Variants in LDLRAD3 observed in about 807,000 individuals in gnomAD.
LDLRAD3 encodes the protein low-density lipoprotein receptor class A domain-containing protein 3.
LDLRAD3 carries 20 observed loss-of-function variants against 29.4 expected under a neutral mutation model. That is an observed-to-expected ratio of 0.68 (90% CI 0.48 to 0.99). LDLRAD3 has a LOEUF of 0.99. Among genes scored for constraint, LDLRAD3 ranks in the 50% least tolerant of loss-of-function variants. The pLI, the probability that LDLRAD3 is intolerant of heterozygous loss-of-function variation, is 0.00. For missense variants in LDLRAD3, 420 were observed against 454.3 expected, an observed-to-expected ratio of 0.92 and a Z score of 0.69; for synonymous variants, 157 against 192.7, an observed-to-expected ratio of 0.81 and a Z score of 1.53.
chr11:36,012,636 A>G (rs1196145958), intron 1 of LDLRAD3, among the ~76,000 whole-genome samples: 2 of 152,214 alleles, frequency 1.3e-5, no homozygotes, highest in East Asian at 3.8e-4. Flanking sequence ...TATGCTGGAC[A>G]AAGGGAAGAT....
At chr11:36,070,592 GA>G (rs1275113820) in intron 2 of LDLRAD3, among the ~76,000 whole-genome samples, 3 of 152,184 alleles carry the variant, frequency 2.0e-5, no homozygotes, top group Non-Finnish European at 4.4e-5. Flanking sequence ...AGGAAGAAAG[GA>G]ATCATGAGGC....
At chr11:36,218,119 G>A (rs1565311979) in intron 4 of LDLRAD3, among the ~76,000 whole-genome samples, 1 of 152,128 alleles carries the variant, frequency 6.6e-6, no homozygotes, top group African/African-American at 2.4e-5. Flanking sequence ...GAGCTGCCAG[G>A]ATAATTATGG....
intron 4 of LDLRAD3, among the ~76,000 whole-genome samples, chr11:36,109,158 A>G (rs571725415): frequency 6.6e-6 from 1 of 152,334 alleles, no homozygotes; most frequent in East Asian, 1.9e-4. Flanking sequence ...CCCCAAAGCT[A>G]GGGCTTCTTT....
intron 1 of LDLRAD3, among the ~76,000 whole-genome samples, chr11:36,006,900 C>T (rs529215899): frequency 3.9e-5 from 6 of 152,330 alleles, no homozygotes; most frequent in Middle Eastern, 3.4e-3. Flanking sequence ...CAGGGGAAGT[C>T]GCACTTTTAG....
intron 2 of LDLRAD3, among the ~76,000 whole-genome samples, chr11:36,039,683 G>C (rs1852355965): frequency 6.6e-6 from 1 of 152,146 alleles, no homozygotes. Flanking sequence ...GAGGCCCTTG[G>C]CCACATTCTA....
intron 4 of LDLRAD3, among the ~76,000 whole-genome samples, chr11:36,141,867 G>T (rs762217590): frequency 6.6e-6 from 1 of 152,194 alleles, no homozygotes; most frequent in Non-Finnish European, 1.5e-5. Flanking sequence ...CTAAAACACA[G>T]TGCATAGCCT....
intron 1 of LDLRAD3, chr11:35,967,841 TG>T: frequency 2.4e-6 from 1 of 420,376 alleles, no homozygotes; most frequent in South Asian, 1.8e-5. Flanking sequence ...GTATCCATTC[TG>T]AATGATCATA....
chr11:36,061,709 G>A (rs1852703297), intron 2 of LDLRAD3, among the ~76,000 whole-genome samples: 1 of 152,144 alleles, frequency 6.6e-6, no homozygotes, highest in Non-Finnish European at 1.5e-5. Context: ...CTCGACCACA[G>A]GGGGCTTGTG....
At chr11:36,014,744 A>T (rs1241278134) in intron 1 of LDLRAD3, among the ~76,000 whole-genome samples, 1 of 152,262 alleles carries the variant, frequency 6.6e-6, no homozygotes, top group Non-Finnish European at 1.5e-5. Flanking sequence ...CCTTGGCTGC[A>T]GGCAGAAATC....
At chr11:36,015,982 A>T (rs547392012) in intron 1 of LDLRAD3, among the ~76,000 whole-genome samples, 1 of 152,328 alleles carries the variant, frequency 6.6e-6, no homozygotes, top group East Asian at 1.9e-4. Context: ...TGGAAATAGG[A>T]GTCCAGAGCA....
At chr11:36,074,649 G>T (rs1219515024) in intron 2 of LDLRAD3, among the ~76,000 whole-genome samples, 1 of 152,174 alleles carries the variant, frequency 6.6e-6, no homozygotes. Context: ...TACTAGAGGA[G>T]TGATGTGCTG....
intron 2 of LDLRAD3, among the ~76,000 whole-genome samples, chr11:36,038,996 T>G (rs1852344213): frequency 1.4e-5 from 2 of 146,522 alleles, no homozygotes. Context: ...TTAGACGGAG[T>G]CTTGCCTCTG....
chr11:36,053,065 C>G (rs1852551419), intron 2 of LDLRAD3, among the ~76,000 whole-genome samples: 4 of 151,852 alleles, frequency 2.6e-5, no homozygotes. Context: ...AAGGAGAGCA[C>G]CTGAGCCATG....
At chr11:36,180,546 A>G (rs1169673644) in intron 4 of LDLRAD3, among the ~76,000 whole-genome samples, 1 of 152,156 alleles carries the variant, frequency 6.6e-6, no homozygotes, top group Non-Finnish European at 1.5e-5. Flanking sequence ...GGCGTGTGCC[A>G]GACAGTGAAG....
intron 4 of LDLRAD3, among the ~76,000 whole-genome samples, chr11:36,153,453 G>A (rs1854304223): frequency 6.6e-6 from 1 of 151,966 alleles, no homozygotes; most frequent in Non-Finnish European, 1.5e-5. Context: ...CACAGTTGGG[G>A]GTATCTCTGC....
chr11:36,101,651 C>T (rs1195550551), intron 4 of LDLRAD3, among the ~76,000 whole-genome samples: 3 of 152,078 alleles, frequency 2.0e-5, no homozygotes, highest in African/African-American at 7.2e-5. Context: ...GTACACATCT[C>T]CCTGCCCTGA....
chr11:36,063,833 A>G (rs1193281153), intron 2 of LDLRAD3, among the ~76,000 whole-genome samples: 1 of 152,192 alleles, frequency 6.6e-6, no homozygotes, highest in South Asian at 2.1e-4. Context: ...TACATTTTTA[A>G]ATTGAGAACT....
intron 4 of LDLRAD3, among the ~76,000 whole-genome samples, chr11:36,120,100 T>A (rs1469265254): frequency 2.6e-5 from 4 of 152,202 alleles, no homozygotes; most frequent in Admixed American, 2.6e-4. Flanking sequence ...CTCACTGAAT[T>A]GTCTTGGCAC....
intron 4 of LDLRAD3, among the ~76,000 whole-genome samples, chr11:36,194,431 A>T (rs906657880): frequency 6.6e-6 from 1 of 152,128 alleles, no homozygotes; most frequent in Non-Finnish European, 1.5e-5. Context: ...GGAAGGAGAG[A>T]AATTCAGGAA....
Sources: allele counts gnomAD v4.1 joint callset (sites outside exome capture counted in the v4.1 genomes callset), GRCh38; gene constraint gnomAD v4.1.1; transcripts MANE v1.5; gene names NCBI Gene and HGNC (gene_info 2026-07-23, HGNC 2026-07-21).